Variants in PLS1 observed in about 807,000 individuals in gnomAD.
The protein encoded by PLS1 is plastin-1.
Under a neutral mutation model 73.7 loss-of-function variants are expected in PLS1, and 32 were observed. The ratio of observed to expected loss-of-function variants is 0.43; its 90% CI spans 0.33 to 0.58. PLS1 has a LOEUF of 0.58. Among genes scored for constraint, PLS1 ranks in the 20% least tolerant of loss-of-function variants. The pLI is 0.04. For synonymous variants in PLS1, 217 were observed against 261.3 expected (o/e 0.83, Z 1.63); for missense variants, 633 against 740.5 (o/e 0.85, Z 1.68).
chr3:142,626,578 T>G (rs1251308217), intron 1 of PLS1, among the ~76,000 whole-genome samples: 2 of 152,254 alleles, frequency 1.3e-5, no homozygotes, highest in Non-Finnish European at 2.9e-5. Context: ...TGCAAGATAC[T>G]GTTTATTATT....
chr3:142,701,517 ATTACCTCT>A (rs2038331656), intron 12 of PLS1, among the ~76,000 whole-genome samples: 1 of 152,148 alleles, frequency 6.6e-6, no homozygotes, highest in South Asian at 2.1e-4. Context: ...ATACACATGG[ATTACCTCT>A]AGGAACCTAA....
At chr3:142,674,551 A>G (rs2037678637) in intron 4 of PLS1, among the ~76,000 whole-genome samples, 1 of 152,180 alleles carries the variant, frequency 6.6e-6, no homozygotes, top group Non-Finnish European at 1.5e-5. Context: ...CTACAGAATA[A>G]TAATAAAGTT....
At chr3:142,627,452 CT>C (rs1282359243) in intron 1 of PLS1, among the ~76,000 whole-genome samples, 12 of 152,184 alleles carry the variant, frequency 7.9e-5, no homozygotes, top group African/African-American at 2.9e-4. Context: ...AGCTTTCTTA[CT>C]CTTCAAGGCC....
intron 1 of PLS1, among the ~76,000 whole-genome samples, chr3:142,629,556 A>T (rs1290926451): frequency 6.6e-6 from 1 of 152,228 alleles, no homozygotes; most frequent in Non-Finnish European, 1.5e-5. Context: ...AATTCTGATT[A>T]GCACACATGG....
intron 6 of PLS1, among the ~76,000 whole-genome samples, chr3:142,683,717 G>A (rs958164214): frequency 3.9e-5 from 6 of 152,062 alleles, no homozygotes; most frequent in African/African-American, 1.4e-4. Context: ...TTGAGTTTGA[G>A]GTATTGGCAG....
In PLS1 at chr3:142,649,546, G is replaced by A. The variant is rs138490489; in HGVS notation, c.-36-14656G>A. On this transcript the variant is annotated intron_variant, in intron 1 of 15. Transcript: ENST00000457734. The stretch of plus-strand genomic sequence containing the variant: ...TCAGCTACTAGGGAGGCTGTGGCAG[G>A]AGAATTGCTTGAGCCTGGGAGATGG... Among the ~76,000 whole-genome samples, 23 of 152,034 alleles carry A rather than the reference G, an allele frequency of 1.5e-4. No homozygotes were observed. In the East Asian group the frequency reaches 4.4e-3, roughly 29 times the overall value.
chr3:142,614,013 A>G (rs2036168006), intron 1 of PLS1, among the ~76,000 whole-genome samples: 1 of 152,190 alleles, frequency 6.6e-6, no homozygotes, highest in African/African-American at 2.4e-5. Context: ...GGATATGGCT[A>G]CTTTTTCTTT....
At chr3:142,696,074 G>A (rs1461311634) in intron 11 of PLS1, among the ~76,000 whole-genome samples, 3 of 152,224 alleles carry the variant, frequency 2.0e-5, no homozygotes, top group Non-Finnish European at 4.4e-5. Flanking sequence ...GATTACAGGC[G>A]TGGGCCACCG....
At chr3:142,621,218 G>C (rs896467320) in intron 1 of PLS1, among the ~76,000 whole-genome samples, 1 of 152,140 alleles carries the variant, frequency 6.6e-6, no homozygotes, top group African/African-American at 2.4e-5. Flanking sequence ...AAAAGTGACA[G>C]TCTCCATACT....
intron 14 of PLS1, among the ~76,000 whole-genome samples, chr3:142,709,734 A>G (rs543758339): frequency 1.6e-4 from 24 of 151,786 alleles, no homozygotes; most frequent in African/African-American, 5.6e-4. Context: ...GGAGAATGGC[A>G]TGAACCTGGG....
At chr3:142,629,653 C>G (rs958062999) in intron 1 of PLS1, among the ~76,000 whole-genome samples, 1 of 152,222 alleles carries the variant, frequency 6.6e-6, no homozygotes, top group Non-Finnish European at 1.5e-5. Flanking sequence ...AGACCAGGAA[C>G]AGTGCCAGTT....
intron 1 of PLS1, among the ~76,000 whole-genome samples, chr3:142,599,090 C>T (rs781169059): frequency 7.9e-5 from 12 of 151,890 alleles, no homozygotes; most frequent in Non-Finnish European, 1.6e-4. Flanking sequence ...AGATGATAAG[C>T]TCTCTGAAGG....
intron 1 of PLS1, among the ~76,000 whole-genome samples, chr3:142,660,474 T>A (rs1011502636): frequency 1.3e-5 from 2 of 152,212 alleles, no homozygotes; most frequent in Non-Finnish European, 2.9e-5. Flanking sequence ...ATCCTAAAGT[T>A]GGGCAAAACT....
chr3:142,689,807 C>T lies in PLS1; in HGVS notation c.1171C>T (p.Leu391=). 1.3e-6 allele frequency: 2 copies of T among 1,576,974 alleles called. No homozygotes were observed. The highest frequency in any genetic ancestry group is 1.7e-6 in the Non-Finnish European group (2 of 1,159,452). Residue 391 remains leucine (L), a synonymous_variant, in exon 10 of 16, where the codon CTG becomes TTG. Transcript: ENST00000457734. ...PNNNDIDMNL[L]EGESKEERTF... is the part of the protein sequence containing the mutation. ...TAATAATGACATCGATATGAATTTA[C>T]TGGAAGGTGCGTTCTTTCTGCCTTT... is the stretch of plus-strand genomic sequence containing the variant.
intron 1 of PLS1, among the ~76,000 whole-genome samples, chr3:142,600,916 A>ATATATTTTT (rs1560024585): frequency 4.0e-4 from 6 of 14,838 alleles, no homozygotes; most frequent in Non-Finnish European, 5.6e-4. Context: ...ATATATATAT[A>ATATATTTTT]TTTTTTTTTT....
chr3:142,606,356 T>C (rs546903876), intron 1 of PLS1, among the ~76,000 whole-genome samples: 14 of 152,288 alleles, frequency 9.2e-5, no homozygotes, highest in African/African-American at 3.4e-4. Context: ...CTCAGAGAAA[T>C]TAAAGGTTTC....
At chr3:142,703,367 C>T (rs368109762) in intron 12 of PLS1, among the ~76,000 whole-genome samples, 1 of 147,170 alleles carries the variant, frequency 6.8e-6, no homozygotes, top group East Asian at 2.0e-4. Context: ...GCGATCTTGG[C>T]TCACTGCAAC....
chr3:142,657,914 TG>T (rs1167665279), intron 1 of PLS1, among the ~76,000 whole-genome samples: 2 of 152,222 alleles, frequency 1.3e-5, no homozygotes, highest in Non-Finnish European at 2.9e-5. Flanking sequence ...CCTAAAGCCT[TG>T]GTAAAATTTC....
At chr3:142,702,484 T>G (rs934321638) in intron 12 of PLS1, among the ~76,000 whole-genome samples, 7 of 152,206 alleles carry the variant, frequency 4.6e-5, no homozygotes, top group African/African-American at 1.7e-4. Flanking sequence ...TAGACTGTTT[T>G]GTAATGGTAC....
Sources: allele counts gnomAD v4.1 joint callset (sites outside exome capture counted in the v4.1 genomes callset), GRCh38; gene constraint gnomAD v4.1.1; transcripts MANE v1.5; gene names NCBI Gene and HGNC (gene_info 2026-07-23, HGNC 2026-07-21).